The following ANO10 variants were observed in gnomAD, a reference collection of about 807,000 sequenced individuals.
The protein encoded by ANO10 is anoctamin 10.
Under a neutral mutation model 74.7 loss-of-function variants are expected in ANO10, and 77 were observed. The observed-to-expected ratio is 1.03, with a 90% CI of 0.86 to 1.25. ANO10 has a LOEUF of 1.25. Ranked by LOEUF, ANO10 falls within the 50% of genes most tolerant of loss-of-function variation. The pLI is 0.00. For missense variants in ANO10, 721 were observed against 778.1 expected, an observed-to-expected ratio of 0.93 and a Z score of 0.87; for synonymous variants, 279 against 284.9, an observed-to-expected ratio of 0.98 and a Z score of 0.21.
At chr3:43,644,868 C>G (rs1242241825) in intron 1 of ANO10, among the ~76,000 whole-genome samples, 1 of 152,222 alleles carries the variant, frequency 6.6e-6, no homozygotes, top group Non-Finnish European at 1.5e-5. Flanking sequence ...CCCTCAGTTG[C>G]TTCCTCAACC....
intron 12 of ANO10, among the ~76,000 whole-genome samples, chr3:43,383,082 A>T (rs1209280724): frequency 6.6e-6 from 1 of 152,214 alleles, no homozygotes; most frequent in Non-Finnish European, 1.5e-5. Flanking sequence ...AGAAAACTAC[A>T]GACCAATATC....
chr3:43,407,651 C>G (rs1342855484), intron 12 of ANO10, among the ~76,000 whole-genome samples: 2 of 152,216 alleles, frequency 1.3e-5, no homozygotes, highest in Non-Finnish European at 2.9e-5. Context: ...AGAAGAAACG[C>G]TCTGGTTGTG....
At chr3:43,637,400 G>A (rs549651429) in intron 1 of ANO10, among the ~76,000 whole-genome samples, 4 of 150,510 alleles carry the variant, frequency 2.7e-5, no homozygotes, top group East Asian at 2.0e-4. Flanking sequence ...CCTGGGAAGC[G>A]GAGGCTGCAA....
intron 11 of ANO10, among the ~76,000 whole-genome samples, chr3:43,532,600 A>T (rs1459929932): frequency 6.6e-6 from 1 of 152,170 alleles, no homozygotes; most frequent in East Asian, 1.9e-4. Context: ...TGACTGGTGT[A>T]TTGTTTTATG....
At chr3:43,382,478 C>T (rs2091992549) in intron 12 of ANO10, among the ~76,000 whole-genome samples, 1 of 148,908 alleles carries the variant, frequency 6.7e-6, no homozygotes, top group Non-Finnish European at 1.5e-5. Context: ...GAGATCGCGC[C>T]ACTGCACTCC....
chr3:43,384,458 C>T (rs1253393610), intron 12 of ANO10, among the ~76,000 whole-genome samples: 1 of 152,248 alleles, frequency 6.6e-6, no homozygotes, highest in Admixed American at 6.5e-5. Context: ...GAAAAAAGAG[C>T]CTGCATAGCC....
At chr3:43,651,945 G>C (rs1453378317) in intron 1 of ANO10, among the ~76,000 whole-genome samples, 5 of 152,124 alleles carry the variant, frequency 3.3e-5, no homozygotes, top group African/African-American at 4.8e-5. Flanking sequence ...TGGGGGCCGG[G>C]AGTAATAAGG....
At chr3:43,619,333 T>A (rs2083272569) in intron 1 of ANO10, among the ~76,000 whole-genome samples, 1 of 152,042 alleles carries the variant, frequency 6.6e-6, no homozygotes, top group Non-Finnish European at 1.5e-5. Context: ...TCAGACTGGA[T>A]CCTAAATATT....
At chr3:43,691,306 G>T in intron 1 of ANO10, 1 of 334,614 alleles carries the variant, frequency 3.0e-6, no homozygotes, top group Non-Finnish European at 5.4e-6. Context: ...ACCCCGCGCG[G>T]AGGGTCCGCC....
At chr3:43,596,853 C>T (rs1218148049) in intron 4 of ANO10, among the ~76,000 whole-genome samples, 1 of 152,162 alleles carries the variant, frequency 6.6e-6, no homozygotes, top group East Asian at 1.9e-4. Context: ...AAAATTTTTG[C>T]AATCTATCCA....
intron 1 of ANO10, among the ~76,000 whole-genome samples, chr3:43,620,536 G>A (rs1017601299): frequency 5.3e-5 from 8 of 152,150 alleles, no homozygotes; most frequent in Admixed American, 4.6e-4. Flanking sequence ...CCAGCACTTT[G>A]GGAGGCCGAG....
rs1327165374 is a variant in ANO10 at position 43,657,073 on chromosome 3, T to C, written c.-12+34444A>G. 2.6e-5 allele frequency among the ~76,000 whole-genome samples: 4 copies of C among 152,382 alleles called. No homozygotes were observed. The East Asian group carries it at 7.7e-4, about 29-fold the overall frequency. On this transcript the variant is annotated intron_variant, in intron 1 of 3. Coordinates refer to the ANO10 transcript ENST00000413397. ...AACTCTTCATCCAAAAATAAATGAA[T>C]GTTTCAATTCTAACAATGATTAGAT...
intron 12 of ANO10, among the ~76,000 whole-genome samples, chr3:43,391,459 G>T (rs757966068): frequency 1.3e-5 from 2 of 152,110 alleles, no homozygotes; most frequent in African/African-American, 4.8e-5. Context: ...CTGAATTTAG[G>T]GTTTATAGTA....
At chr3:43,526,965 A>C (rs913257919) in intron 11 of ANO10, among the ~76,000 whole-genome samples, 1 of 152,072 alleles carries the variant, frequency 6.6e-6, no homozygotes, top group Non-Finnish European at 1.5e-5. Context: ...GTGTGTATAC[A>C]TATATATACA....
At chr3:43,469,497 TGTTCA>T (rs1364110263) in intron 11 of ANO10, among the ~76,000 whole-genome samples, 2 of 152,242 alleles carry the variant, frequency 1.3e-5, no homozygotes, top group Admixed American at 6.5e-5. Flanking sequence ...TTCCAGGTCC[TGTTCA>T]GTTGTTTCAT....
chr3:43,530,826 C>A (rs2078433151), intron 11 of ANO10, among the ~76,000 whole-genome samples: 1 of 152,130 alleles, frequency 6.6e-6, no homozygotes, highest in African/African-American at 2.4e-5. Context: ...TTGCTTCAGG[C>A]ATCCACTGGG....
chr3:43,418,192 G>A lies in ANO10; in HGVS notation c.1914+14419C>T, dbSNP rs186581328. On this transcript the variant is annotated intron_variant, in intron 12 of 12. Transcript: ENST00000292246. The stretch of plus-strand genomic sequence containing the variant: ...CTCAGGAGGCTGAGGCAGGGGAATC[G>A]TCTGAAACTGGGAGGCAGAAGTTGC... 7.1e-4 allele frequency among the ~76,000 whole-genome samples: 108 copies of A among 152,342 alleles called. 1 individual carries two copies. In the East Asian group the frequency reaches 0.014, roughly 20 times the overall value.
At chr3:43,405,908 C>T (rs896136025) in intron 12 of ANO10, among the ~76,000 whole-genome samples, 1 of 152,148 alleles carries the variant, frequency 6.6e-6, no homozygotes, top group Non-Finnish European at 1.5e-5. Flanking sequence ...CTTCTTTGAA[C>T]CTGAAAAGAA....
chr3:43,427,000 A>G (rs1207389822), intron 12 of ANO10, among the ~76,000 whole-genome samples: 2 of 152,200 alleles, frequency 1.3e-5, no homozygotes, highest in African/African-American at 4.8e-5. Flanking sequence ...TCACAAGCTG[A>G]GAAGAATAAC....
Sources: allele counts gnomAD v4.1 joint callset (sites outside exome capture counted in the v4.1 genomes callset), GRCh38; gene constraint gnomAD v4.1.1; transcripts MANE v1.5; gene names NCBI Gene and HGNC (gene_info 2026-07-23, HGNC 2026-07-21).